MPZL1: variants seen among roughly 807,000 people sequenced by gnomAD.
The protein encoded by MPZL1 is myelin protein zero like 1, also known as myelin protein zero-like protein 1.
MPZL1 carries 16 observed loss-of-function variants against 29.3 expected under a neutral mutation model. The observed-to-expected ratio is 0.55, with a 90% confidence interval of 0.37 to 0.83. MPZL1 has a LOEUF of 0.83. MPZL1 is among the 40% of genes least tolerant of loss of function. The pLI, the probability that MPZL1 is intolerant of heterozygous loss-of-function variation, is 0.00. For missense variants in MPZL1, 279 were observed against 332.9 expected (o/e 0.84, Z 1.26); for synonymous variants, 143 against 132.0 (o/e 1.08, Z -0.57).
At chr1:167,758,684 T>C (rs571350241) in intron 1 of MPZL1, among the ~76,000 whole-genome samples, 2 of 152,360 alleles carry the variant, frequency 1.3e-5, no homozygotes, top group South Asian at 4.1e-4. Context: ...GCGGGCTTTT[T>C]TCATTTGAAT....
chr1:167,743,849 C>T (rs1660588903), intron 1 of MPZL1, among the ~76,000 whole-genome samples: 1 of 152,010 alleles, frequency 6.6e-6, no homozygotes, highest in Non-Finnish European at 1.5e-5. Flanking sequence ...TTATCATCAG[C>T]AAACAACAAC....
chr1:167,784,466 G>T (rs1661553673), intron 5 of MPZL1, among the ~76,000 whole-genome samples: 2 of 152,126 alleles, frequency 1.3e-5, no homozygotes, highest in South Asian at 4.1e-4. Flanking sequence ...ATACCCAAAA[G>T]TGAATGTCTT....
intron 2 of MPZL1, among the ~76,000 whole-genome samples, chr1:167,771,080 TGGAGAGA>T (rs1661236152): frequency 6.6e-6 from 1 of 150,958 alleles, no homozygotes; most frequent in African/African-American, 2.4e-5. Context: ...AGGATAATAG[TGGAGAGA>T]AGGTCAACAC....
At chr1:167,761,965 A>G (rs1028776964) in intron 1 of MPZL1, among the ~76,000 whole-genome samples, 1 of 152,202 alleles carries the variant, frequency 6.6e-6, no homozygotes, top group East Asian at 1.9e-4. Flanking sequence ...TTTCTGATGC[A>G]GCTTAGGGAT....
In MPZL1 at chr1:167,790,971, AGC is replaced by A. The variant is rs1391136165; in HGVS notation, c.*3051_*3052del. 6.6e-6 allele frequency: 1 copy of A among 152,112 alleles called. No individual in the cohort carries two copies. The highest frequency in any genetic ancestry group is 6.5e-5 in the Admixed American group (1 of 15,270). The allele number at this position is 152,112 out of a possible 1,614,324, so 9.4% of individuals were successfully genotyped here. On this transcript the variant is annotated 3_prime_UTR_variant, in exon 6 of 6. Coordinates refer to ENST00000359523, the MANE Select transcript of MPZL1 (RefSeq NM_003953.6). ...TGCACATGCTGTTCCCTGGGCCTGA[AGC>A]ATGCCTTCTGCCAATATTCCTGTGG...
intron 1 of MPZL1, among the ~76,000 whole-genome samples, chr1:167,754,466 T>C (rs1258709934): frequency 6.6e-6 from 1 of 152,236 alleles, no homozygotes. Flanking sequence ...AGGCTGCCAG[T>C]GCAGTCTTCA....
rs543036609 is a variant in MPZL1 at position 167,775,996 on chromosome 1, T to C, written c.606-68T>C. ...CATCTTGCCGTCAGTTGCATTTCTA[T>C]ATTTTTGTTTCTATTTATTTATTAT... On this transcript the variant is annotated intron_variant, in intron 4 of 5. Transcript: ENST00000359523. 9 of 1,100,526 alleles carry C rather than the reference T, an allele frequency of 8.2e-6. No homozygotes were observed. The African/African-American group carries it at 1.1e-4, about 14-fold the overall frequency. The allele number at this position is 1,100,526 out of a possible 1,614,324, so 68.2% of individuals were successfully genotyped here.
chr1:167,790,678 A>G lies in MPZL1; in HGVS notation c.*2757A>G, dbSNP rs571693869. On this transcript the variant is annotated 3_prime_UTR_variant, in exon 6 of 6. Transcript: ENST00000359523. ...TTCTGTATGGGAGCACTCAAAAGGC[A>G]TTACTTAGAGATTGAAATTTCAAAC... 4 of 152,340 alleles carry G rather than the reference A, an allele frequency of 2.6e-5. No individual in the cohort carries two copies. The highest frequency in any genetic ancestry group is 9.6e-5 in the African/African-American group (4 of 41,576). The allele number at this position is 152,340 out of a possible 1,614,324, so 9.4% of individuals were successfully genotyped here.
intron 5 of MPZL1, among the ~76,000 whole-genome samples, chr1:167,786,724 T>G (rs1007798658): frequency 2.6e-5 from 4 of 152,232 alleles, no homozygotes; most frequent in African/African-American, 7.2e-5. Flanking sequence ...TTAGGGCTCC[T>G]GGATGAGGGT....
chr1:167,744,969 C>T (rs1231283736), intron 1 of MPZL1, among the ~76,000 whole-genome samples: 1 of 152,144 alleles, frequency 6.6e-6, no homozygotes, highest in African/African-American at 2.4e-5. Context: ...ACTGATGATA[C>T]CATATGTGCA....
intron 1 of MPZL1, among the ~76,000 whole-genome samples, chr1:167,730,340 A>G (rs1355106623): frequency 6.6e-6 from 1 of 151,576 alleles, no homozygotes; most frequent in East Asian, 1.9e-4. Flanking sequence ...GTGCAGTGGC[A>G]CGATCTCCAC....
chr1:167,761,720 T>C (rs1376431112), intron 1 of MPZL1, among the ~76,000 whole-genome samples: 1 of 152,174 alleles, frequency 6.6e-6, no homozygotes, highest in Non-Finnish European at 1.5e-5. Context: ...TTAGTGACCA[T>C]ACATTTAAGG....
At chr1:167,766,512 GT>G (rs1453744557) in intron 2 of MPZL1, among the ~76,000 whole-genome samples, 2 of 152,320 alleles carry the variant, frequency 1.3e-5, no homozygotes, top group East Asian at 3.9e-4. Context: ...TACACCATTT[GT>G]TGTTACTGTT....
At chr1:167,733,941 G>T (rs1392057573) in intron 1 of MPZL1, among the ~76,000 whole-genome samples, 1 of 151,854 alleles carries the variant, frequency 6.6e-6, no homozygotes, top group South Asian at 2.1e-4. Flanking sequence ...ACTCACAGGT[G>T]AGTAAGTAGA....
At chr1:167,743,444 G>T (rs1196686392) in intron 1 of MPZL1, among the ~76,000 whole-genome samples, 1 of 151,956 alleles carries the variant, frequency 6.6e-6, no homozygotes, top group African/African-American at 2.4e-5. Context: ...TTGACCTCGT[G>T]ACCCTCCCGC....
At chr1:167,738,407 A>C (rs763454258) in intron 1 of MPZL1, among the ~76,000 whole-genome samples, 1 of 152,214 alleles carries the variant, frequency 6.6e-6, no homozygotes, top group Non-Finnish European at 1.5e-5. Flanking sequence ...AGTGATACAA[A>C]TAAGATGTCC....
rs1661709109 is a variant in MPZL1, at chr1:167,791,269, G to T, written c.*3348G>T. 6.6e-6 allele frequency: 1 copy of T among 152,384 alleles called. No homozygotes were observed. The highest frequency in any genetic ancestry group is 2.1e-4 in the South Asian group (1 of 4,834). 9.4% of individuals were successfully genotyped at this position (152,384 alleles called of 1,614,324 possible). On this transcript the variant is annotated 3_prime_UTR_variant, in exon 6 of 6. Coordinates refer to ENST00000359523, the MANE Select transcript of MPZL1 (RefSeq NM_003953.6). Reference sequence around the variant, plus strand: ...AGGGAACAGCACCTGGCACTTAGCTGCTCAATACATGTTACGTGGATGGAT... The same window carrying T: ...AGGGAACAGCACCTGGCACTTAGCTTCTCAATACATGTTACGTGGATGGAT...
intron 2 of MPZL1, among the ~76,000 whole-genome samples, chr1:167,771,900 G>T (rs1661258127): frequency 6.6e-6 from 1 of 152,178 alleles, no homozygotes; most frequent in Non-Finnish European, 1.5e-5. Context: ...GAGGCAGGCA[G>T]AACACTCCAG....
intron 1 of MPZL1, among the ~76,000 whole-genome samples, chr1:167,759,076 T>A (rs879579792): frequency 5.3e-5 from 8 of 152,368 alleles, no homozygotes; most frequent in African/African-American, 7.2e-5. Flanking sequence ...CAGACTTTTT[T>A]AAATCCATCT....
Sources: allele counts gnomAD v4.1 joint callset (sites outside exome capture counted in the v4.1 genomes callset), GRCh38; gene constraint gnomAD v4.1.1; transcripts MANE v1.5; gene names NCBI Gene and HGNC (gene_info 2026-07-23, HGNC 2026-07-21).